The following GC variants were observed in gnomAD, a reference collection of about 807,000 sequenced individuals.
The protein encoded by GC is vitamin D-binding protein.
GC carries 43 observed loss-of-function variants against 56.7 expected under a neutral mutation model. That is an observed-to-expected ratio of 0.76 (90% CI 0.59 to 0.98). The LOEUF (loss-of-function observed/expected upper bound fraction) is 0.98. Among genes scored for constraint, GC ranks in the 50% least tolerant of loss-of-function variants. GC has a pLI of 0.00. For missense variants in GC, 529 were observed against 545.9 expected, an observed-to-expected ratio of 0.97 and a Z score of 0.31; for synonymous variants, 216 against 202.7, an observed-to-expected ratio of 1.07 and a Z score of -0.56.
Position 71,798,465 on chromosome 4 carries a change from G to C in GC, c.21+5461C>G, listed in dbSNP as rs966119259. 2.6e-5 allele frequency among the ~76,000 whole-genome samples: 4 copies of C among 152,244 alleles called. No homozygotes were observed. In the East Asian group the frequency reaches 7.7e-4, roughly 29 times the overall value. ...AGATTCTGTGTTCTGTTATTTTACTGTAAAACTTTGACTTTTCTTTCTATT... is the reference window on the plus strand; with the variant it reads ...AGATTCTGTGTTCTGTTATTTTACTCTAAAACTTTGACTTTTCTTTCTATT... On this transcript the variant is annotated intron_variant, in intron 1 of 13. Coordinates refer to the GC transcript ENST00000504199.
intron 1 of GC, among the ~76,000 whole-genome samples, chr4:71,800,095 G>A (rs865971704): frequency 1.1e-4 from 17 of 149,348 alleles, no homozygotes; most frequent in African/African-American, 3.7e-4. Context: ...TTACTTTAAT[G>A]TCTGGGATAC....
intron 3 of GC, among the ~76,000 whole-genome samples, chr4:71,767,757 T>C (rs554766874): frequency 6.6e-6 from 1 of 151,972 alleles, no homozygotes; most frequent in South Asian, 2.1e-4. Flanking sequence ...TTGGTGTACC[T>C]ATCACCGGAG....
chr4:71,767,571 A>G (rs1202945677), intron 3 of GC, among the ~76,000 whole-genome samples: 2 of 150,370 alleles, frequency 1.3e-5, no homozygotes, highest in African/African-American at 4.9e-5. Context: ...TAAGCTATAC[A>G]CAATATTTTA....
At chr4:71,752,699 A>G in intron 10 of GC, 49 bp from the exon 11 acceptor site, 1 of 1,487,732 alleles carries the variant, frequency 6.7e-7, no homozygotes, top group South Asian at 1.2e-5. Context: ...TTTATTTTAT[A>G]CAAATTTCTA....
chr4:71,754,081 G>A (rs7668653), intron 10 of GC, among the ~76,000 whole-genome samples: 12,770 of 152,138 alleles, frequency 0.084, 1,320 homozygotes, highest in African/African-American at 0.25. Context: ...AAATGATTTA[G>A]GGGGTACAAG....
intron 1 of GC, among the ~76,000 whole-genome samples, chr4:71,798,127 T>C (rs1326702280): frequency 6.6e-6 from 1 of 152,270 alleles, no homozygotes. Flanking sequence ...TAGATTATTT[T>C]AGCATTTTTC....
At chr4:71,770,430 C>T (rs1198270070) in intron 1 of GC, among the ~76,000 whole-genome samples, 2 of 152,070 alleles carry the variant, frequency 1.3e-5, no homozygotes, top group East Asian at 1.9e-4. Flanking sequence ...TCTTAAGGTG[C>T]CAGCTGCATA....
intron 7 of GC, 79 bp from the exon 8 acceptor site, chr4:71,756,993 A>G (rs1044542700): frequency 2.1e-6 from 2 of 950,200 alleles, no homozygotes; most frequent in Non-Finnish European, 3.3e-6. Context: ...TAGGCTTACA[A>G]GCTTTGGCAT....
At position 71,746,165 on chromosome 4, in the gene GC, A is replaced by C; in HGVS notation, c.*11T>G. On this transcript the variant is annotated 3_prime_UTR_variant, in exon 12 of 13. Coordinates refer to ENST00000273951, the MANE Select transcript of GC (RefSeq NM_000583.4). The stretch of plus-strand genomic sequence containing the variant: ...AATATACTTACCAAAGTTAATAAAC[A>C]TGCTTCAGGACTACAGGATATTCTT... 7.9e-7 allele frequency: 1 copy of C among 1,264,782 alleles called. No homozygotes were observed. Among genetic ancestry groups the C allele is most frequent in the Non-Finnish European group, 1.2e-6 (1 of 866,780 alleles). The allele number at this position is 1,264,782 out of a possible 1,614,324, so 78.3% of individuals were successfully genotyped here.
chr4:71,796,308 G>T (rs1189502487), intron 1 of GC, among the ~76,000 whole-genome samples: 1 of 152,152 alleles, frequency 6.6e-6, no homozygotes, highest in African/African-American at 2.4e-5. Flanking sequence ...GCAATCAAAT[G>T]TAGATTTGGT....
At chr4:71,754,932 C>G in intron 9 of GC, 46 bp downstream of exon 9, 1 of 1,423,090 alleles carries the variant, frequency 7.0e-7, no homozygotes, top group Non-Finnish European at 9.4e-7. Context: ...TATAATTTTC[C>G]AACCCTTGAT....
intron 12 of GC, among the ~76,000 whole-genome samples, chr4:71,745,618 T>C (rs1741339641): frequency 6.6e-6 from 1 of 152,142 alleles, no homozygotes. Context: ...GGGGGTGCTC[T>C]TCAGTTTAAG....
chr4:71,754,110 A>G (rs918540632), intron 10 of GC, among the ~76,000 whole-genome samples: 1 of 152,164 alleles, frequency 6.6e-6, no homozygotes, highest in African/African-American at 2.4e-5. Context: ...TGTTACATGG[A>G]TGTATGGCAT....
chr4:71,763,975 A>G (rs189470786), intron 4 of GC, 39 bp from the exon 5 acceptor site: 55 of 1,529,232 alleles, frequency 3.6e-5, no homozygotes, highest in Non-Finnish European at 4.9e-5. Context: ...AAAATTTGTG[A>G]ATAAACAAAA....
Position 71,758,191 on chromosome 4 carries a change from T to A in GC, c.702-20A>T. ...AGATTGCTAAACAGTTAAAAATAAA[T>A]ATGTTAGCTTATCAACATTCTCAGT... On this transcript the variant is annotated intron_variant, in intron 6 of 12. Coordinates refer to ENST00000273951, the MANE Select transcript of GC (RefSeq NM_000583.4). 6.2e-7 allele frequency: 1 copy of A among 1,600,416 alleles called. No individual in the cohort carries two copies. Among genetic ancestry groups the A allele is most frequent in the Non-Finnish European group, 8.5e-7 (1 of 1,170,528 alleles).
chr4:71,785,199 G>T (rs1742804658), upstream of GC, among the ~76,000 whole-genome samples: 1 of 151,762 alleles, frequency 6.6e-6, no homozygotes, highest in African/African-American at 2.4e-5. Context: ...TAATCTGGGT[G>T]CAGGGCTCAT....
At chr4:71,756,410 G>T (rs1301279199) in intron 8 of GC, among the ~76,000 whole-genome samples, 3 of 152,140 alleles carry the variant, frequency 2.0e-5, no homozygotes, top group Non-Finnish European at 4.4e-5. Context: ...ATAGGCTGAA[G>T]TTCAGAATTA....
At position 71,797,017 on chromosome 4, in the gene GC, T is replaced by G. The variant is rs972837253; in HGVS notation, c.21+6909A>C. Among the ~76,000 whole-genome samples the G allele has an allele frequency of 3.9e-5, 6 of 152,204 alleles. No homozygotes were observed. The East Asian group carries it at 1.2e-3, about 29-fold the overall frequency. On this transcript the variant is annotated intron_variant, in intron 1 of 13. Coordinates refer to the GC transcript ENST00000504199. ...GTGGAGGCTGCAGAACAGCAAATAT[T>G]GCAGAACAGCAAATATTGCTGCCTG... is the stretch of plus-strand genomic sequence containing the variant.
chr4:71,760,356 A>AAGT (rs750227453), intron 6 of GC, among the ~76,000 whole-genome samples: 72 of 152,010 alleles, frequency 4.7e-4, no homozygotes, highest in Non-Finnish European at 9.1e-4. Context: ...CTGGACAAGA[A>AAGT]AGTAGTTTCT....
Sources: gnomAD v4.1 joint callset for allele counts (sites outside exome capture counted in the v4.1 genomes callset) on GRCh38, gnomAD v4.1.1 for gene constraint, MANE v1.5 for transcripts, NCBI Gene and HGNC (gene_info 2026-07-23, HGNC 2026-07-21) for gene names.